The following FAM171A1 variants were observed in gnomAD, a reference collection of about 807,000 sequenced individuals.
The protein encoded by FAM171A1 is protein FAM171A1.
Under a neutral mutation model 74.9 loss-of-function variants are expected in FAM171A1, and 23 were observed. The ratio of observed to expected loss-of-function variants is 0.31; its 90% confidence interval spans 0.22 to 0.44. FAM171A1 has a LOEUF of 0.44. Among genes scored for constraint, FAM171A1 ranks in the 20% least tolerant of loss-of-function variants. The probability of loss-of-function intolerance (pLI) is 1.00; values close to 1 mark genes in which losing one functional copy is unlikely to be tolerated. For synonymous variants in FAM171A1, 527 were observed against 505.7 expected, an observed-to-expected ratio of 1.04 and a Z score of -0.57; for missense variants, 1,162 against 1,159.2, an observed-to-expected ratio of 1.00 and a Z score of -0.03.
intron 3 of FAM171A1, among the ~76,000 whole-genome samples, chr10:15,274,349 G>T (rs1564629966): frequency 6.6e-6 from 1 of 152,090 alleles, no homozygotes; most frequent in African/African-American, 2.4e-5. Flanking sequence ...GACCTCCTCA[G>T]GGAGAACTAC....
rs371280763 is a variant in FAM171A1, at chr10:15,305,689, G to T, written c.98-21584C>A. On this transcript the variant is annotated intron_variant, in intron 1 of 7. Coordinates refer to ENST00000378116, the MANE Select transcript of FAM171A1 (RefSeq NM_001010924.2). The stretch of plus-strand genomic sequence containing the variant: ...TAAAAAAAAAAAAAAAAAAAAAAAA[G>T]ATCAGAAGAGTGAATGAAAAATTTC... Among the ~76,000 whole-genome samples, 292 of 46,958 alleles carry T rather than the reference G, an allele frequency of 6.2e-3. 3 individuals are homozygous for T. Among genetic ancestry groups the T allele is most frequent in the Non-Finnish European group, 9.3e-3 (204 of 21,894 alleles). 30.8% of individuals were successfully genotyped at this position (46,958 alleles called of 152,430 possible).
chr10:15,231,743 G>C (rs560982082), intron 5 of FAM171A1, among the ~76,000 whole-genome samples: 2 of 152,258 alleles, frequency 1.3e-5, no homozygotes, highest in African/African-American at 4.8e-5. Context: ...TATTCAAGAA[G>C]GAATCTGGTC....
At chr10:15,361,411 A>G (rs1036827027) in intron 1 of FAM171A1, among the ~76,000 whole-genome samples, 2 of 152,180 alleles carry the variant, frequency 1.3e-5, no homozygotes, top group African/African-American at 4.8e-5. Context: ...TGCCAAGGGT[A>G]GCAACTCATG....
chr10:15,356,205 T>C, intron 1 of FAM171A1, among the ~76,000 whole-genome samples: 1 of 150,394 alleles, frequency 6.6e-6, no homozygotes, highest in East Asian at 1.9e-4. Context: ...TTCATATATA[T>C]AAATACATAC....
chr10:15,343,292 C>G (rs951219321), intron 1 of FAM171A1, among the ~76,000 whole-genome samples: 2 of 152,138 alleles, frequency 1.3e-5, no homozygotes, highest in Non-Finnish European at 2.9e-5. Context: ...TCGCTTGAGC[C>G]CAGGAGTTCG....
chr10:15,307,072 G>T (rs1161841458), intron 1 of FAM171A1, among the ~76,000 whole-genome samples: 1 of 152,188 alleles, frequency 6.6e-6, no homozygotes, highest in Non-Finnish European at 1.5e-5. Context: ...TCTGTTGGGT[G>T]ACCTTATTTC....
chr10:15,336,880 G>A (rs1230115632), intron 1 of FAM171A1, among the ~76,000 whole-genome samples: 4 of 151,110 alleles, frequency 2.6e-5, no homozygotes, highest in African/African-American at 9.7e-5. Context: ...CAGGATCACT[G>A]TGTACCATGA....
chr10:15,227,300 C>T (rs1408874255), intron 5 of FAM171A1, among the ~76,000 whole-genome samples: 3 of 151,960 alleles, frequency 2.0e-5, no homozygotes, highest in Admixed American at 6.6e-5. Context: ...TGCACCCGGC[C>T]GGAACAGTGA....
intron 1 of FAM171A1, among the ~76,000 whole-genome samples, chr10:15,370,705 C>T (rs1245220766): frequency 6.6e-6 from 1 of 151,336 alleles, no homozygotes; most frequent in Non-Finnish European, 1.5e-5. Context: ...TGGAGCTGCC[C>T]GCGCCCCCGC....
intron 1 of FAM171A1, among the ~76,000 whole-genome samples, chr10:15,286,084 A>T (rs1835032170): frequency 6.6e-6 from 1 of 152,222 alleles, no homozygotes; most frequent in African/African-American, 2.4e-5. Context: ...AGGTAGAAAC[A>T]TTTAGTGTAA....
intron 1 of FAM171A1, among the ~76,000 whole-genome samples, chr10:15,352,432 A>C (rs17294023): frequency 0.42 from 63,779 of 151,974 alleles, 13,657 homozygotes; most frequent in Non-Finnish European, 0.49. Context: ...CACATAAAAA[A>C]TACCAAGGGT....
chr10:15,257,213 A>G (rs1206779515), intron 3 of FAM171A1, among the ~76,000 whole-genome samples: 2 of 152,152 alleles, frequency 1.3e-5, no homozygotes, highest in African/African-American at 4.8e-5. Flanking sequence ...GCAGGGAAGG[A>G]AAAGTGCACC....
upstream of FAM171A1, among the ~76,000 whole-genome samples, chr10:15,371,315 C>T (rs1457208383): frequency 6.9e-6 from 1 of 145,852 alleles, no homozygotes; most frequent in Non-Finnish European, 1.5e-5. Flanking sequence ...CGCCCGCCGC[C>T]GCCGCCGCTG....
intron 2 of FAM171A1, among the ~76,000 whole-genome samples, chr10:15,280,503 G>C (rs1834954026): frequency 6.6e-6 from 1 of 152,018 alleles, no homozygotes; most frequent in Admixed American, 6.6e-5. Flanking sequence ...ATCTCCTATG[G>C]CTAAGTTTAT....
At chr10:15,326,198 A>T (rs934987646) in intron 1 of FAM171A1, among the ~76,000 whole-genome samples, 5 of 152,072 alleles carry the variant, frequency 3.3e-5, no homozygotes, top group Admixed American at 1.3e-4. Context: ...GTAACCCATC[A>T]TTTCACTCAG....
chr10:15,265,577 T>TG (rs1339647397), intron 3 of FAM171A1, among the ~76,000 whole-genome samples: 1 of 44,420 alleles, frequency 2.3e-5, no homozygotes, highest in Non-Finnish European at 3.9e-5. Flanking sequence ...ATGGTGCCTC[T>TG]GAAAAAAAAA....
chr10:15,339,070 G>C (rs1202441703), intron 1 of FAM171A1, among the ~76,000 whole-genome samples: 1 of 152,084 alleles, frequency 6.6e-6, no homozygotes, highest in African/African-American at 2.4e-5. Flanking sequence ...AGCTGCTAAG[G>C]TTAAGTTTTT....
At chr10:15,263,020 G>A (rs1357007538) in intron 3 of FAM171A1, among the ~76,000 whole-genome samples, 2 of 152,188 alleles carry the variant, frequency 1.3e-5, no homozygotes, top group South Asian at 4.1e-4. Flanking sequence ...AGTGTGCTGG[G>A]AAAAGCTTCC....
chr10:15,220,433 C>T lies in FAM171A1; in HGVS notation c.871+511G>A, dbSNP rs558717008. On this transcript the variant is annotated intron_variant, in intron 6 of 7. Coordinates refer to ENST00000378116, the MANE Select transcript of FAM171A1 (RefSeq NM_001010924.2). ...GTTAAAAAAAATAAACTATTGGTCA[C>T]GTTCTGAAAGATATGCATTAATGCA... 7.2e-4 allele frequency among the ~76,000 whole-genome samples: 109 copies of T among 152,256 alleles called. 1 individual carries two copies. Among genetic ancestry groups the T allele is most frequent in the African/African-American group, 1.2e-3 (49 of 41,552 alleles).
Sources: gnomAD v4.1 joint callset for allele counts (sites outside exome capture counted in the v4.1 genomes callset) on GRCh38, gnomAD v4.1.1 for gene constraint, MANE v1.5 for transcripts, NCBI Gene and HGNC (gene_info 2026-07-23, HGNC 2026-07-21) for gene names.